Variants in STRN3 observed in about 807,000 individuals in gnomAD.
STRN3 encodes the protein striatin 3.
STRN3 carries 29 observed loss-of-function variants against 95.6 expected under a neutral mutation model. The observed-to-expected ratio is 0.30, with a 90% CI of 0.23 to 0.41. The LOEUF (loss-of-function observed/expected upper bound fraction) is 0.41, where lower values mean the gene tolerates loss of function less well. STRN3 is among the 10% of genes least tolerant of loss of function. The pLI is 1.00. For missense variants in STRN3, 890 were observed against 972.1 expected (o/e 0.92, Z 1.12); for synonymous variants, 331 against 357.6 (o/e 0.93, Z 0.84).
chr14:30,954,182 T>C (rs2139136845), intron 3 of STRN3, among the ~76,000 whole-genome samples: 1 of 152,326 alleles, frequency 6.6e-6, no homozygotes, highest in South Asian at 2.1e-4. Context: ...GCCATTTATA[T>C]ATCCTCTTCT....
chr14:30,976,223 G>C (rs1243037555), intron 1 of STRN3, among the ~76,000 whole-genome samples: 1 of 152,170 alleles, frequency 6.6e-6, no homozygotes, highest in Admixed American at 6.6e-5. Flanking sequence ...AATGGGGAGA[G>C]TTATACCATG....
chr14:30,987,400 A>T (rs1027456159), intron 1 of STRN3, among the ~76,000 whole-genome samples: 1 of 152,020 alleles, frequency 6.6e-6, no homozygotes, highest in Admixed American at 6.6e-5. Context: ...CCAGCTACTC[A>T]GGAGGCTGAG....
intron 14 of STRN3, 96 bp downstream of exon 14, chr14:30,906,781 T>C: frequency 1.6e-6 from 2 of 1,281,976 alleles, no homozygotes; most frequent in South Asian, 3.5e-5. Context: ...ATATATCTCT[T>C]TGGAACAGTA....
intron 1 of STRN3, among the ~76,000 whole-genome samples, chr14:30,967,095 C>T (rs1217256960): frequency 6.6e-6 from 1 of 151,974 alleles, no homozygotes; most frequent in African/African-American, 2.4e-5. Flanking sequence ...AGGGGTTGAG[C>T]CTTCCGCTAA....
intron 1 of STRN3, among the ~76,000 whole-genome samples, chr14:31,001,198 T>G (rs74041098): frequency 6.6e-6 from 1 of 152,184 alleles, no homozygotes; most frequent in Non-Finnish European, 1.5e-5. Context: ...AATTCATATA[T>G]TCTTAACAAC....
rs890330876 is a variant in STRN3 at position 31,015,722 on chromosome 14, G to C, written c.282+10182C>G. 1.3e-4 allele frequency among the ~76,000 whole-genome samples: 20 copies of C among 152,298 alleles called. 1 individual carries two copies. The highest frequency in any genetic ancestry group is 4.6e-4 in the African/African-American group (19 of 41,562). On this transcript the variant is annotated intron_variant, in intron 1 of 17. Coordinates refer to ENST00000357479, the MANE Select transcript of STRN3 (RefSeq NM_001083893.2). ...GCTGTATGCTCCTTTTGGCTCTGCA[G>C]ACCTTACTTATAGCCAGGCCTTGGA...
chr14:30,971,480 T>C (rs2144040), intron 1 of STRN3, among the ~76,000 whole-genome samples: 96,682 of 152,060 alleles, frequency 0.64, 31,732 homozygotes, highest in Non-Finnish European at 0.73. Context: ...GGATAAACTA[T>C]ATCTATTACA....
chr14:30,929,958 A>AAAAAAAAAC (rs1566441330), intron 7 of STRN3, among the ~76,000 whole-genome samples: 19 of 132,508 alleles, frequency 1.4e-4, no homozygotes, highest in East Asian at 7.5e-4. Context: ...GATTAGCAAA[A>AAAAAAAAAC]AAAAAAAAAA....
chr14:30,917,108 A>G (rs975994135), intron 9 of STRN3, among the ~76,000 whole-genome samples: 3 of 152,202 alleles, frequency 2.0e-5, no homozygotes, highest in Non-Finnish European at 2.9e-5. Context: ...CACTGAAAAT[A>G]AGGAGACTGT....
chr14:30,970,552 T>C (rs1424702232), intron 1 of STRN3, among the ~76,000 whole-genome samples: 1 of 152,220 alleles, frequency 6.6e-6, no homozygotes, highest in Non-Finnish European at 1.5e-5. Flanking sequence ...TTCCCTTCTT[T>C]ATGCCAGTTT....
chr14:31,026,222 G>C lies in STRN3; in HGVS notation c.-37C>G. On this transcript the variant is annotated 5_prime_UTR_variant, in exon 1 of 18. Transcript: ENST00000357479. The stretch of plus-strand genomic sequence containing the variant: ...CCCCGGCCGGGGCGCAGGGCGAGAC[G>C]CCGACAGCTGGGGGAAGGGCCGGAG... 1 of 1,381,332 alleles carries C rather than the reference G, an allele frequency of 7.2e-7. No homozygotes were observed. Among genetic ancestry groups the C allele is most frequent in the Non-Finnish European group, 9.3e-7 (1 of 1,076,480 alleles). 85.6% of individuals were successfully genotyped at this position (1,381,332 alleles called of 1,614,324 possible).
At chr14:30,956,603 AAACTTTGTTAGATCT>A (rs1403308735) in intron 1 of STRN3, among the ~76,000 whole-genome samples, 1 of 152,190 alleles carries the variant, frequency 6.6e-6, no homozygotes, top group Non-Finnish European at 1.5e-5. Flanking sequence ...TAAAATGTCC[AAACTTTGTTAGATCT>A]AACACATCCC....
chr14:30,908,396 A>C (rs757528434), intron 13 of STRN3, among the ~76,000 whole-genome samples: 34 of 152,148 alleles, frequency 2.2e-4, no homozygotes, highest in Non-Finnish European at 4.6e-4. Context: ...CAAATTTAAT[A>C]CTTTTCTTTG....
chr14:31,016,407 C>G (rs373191356), intron 1 of STRN3, among the ~76,000 whole-genome samples: 2 of 152,206 alleles, frequency 1.3e-5, no homozygotes, highest in African/African-American at 4.8e-5. Context: ...CAAGGAGAAG[C>G]CTTAAATACA....
rs1049095339 is a variant in STRN3, at chr14:30,926,038, A to G, written c.1099+3163T>C. ...GTGATCCATAAACAGAAAAAAAAAG[A>G]AAGTTTTTATTTTCTTAAACTCTAA... On this transcript the variant is annotated intron_variant, in intron 8 of 17. Coordinates refer to ENST00000357479, the MANE Select transcript of STRN3 (RefSeq NM_001083893.2). 3.3e-5 allele frequency among the ~76,000 whole-genome samples: 5 copies of G among 152,130 alleles called. 1 individual carries two copies. The highest frequency in any genetic ancestry group is 4.1e-4 in the South Asian group (2 of 4,830).
chr14:30,924,754 G>T (rs777624923), intron 8 of STRN3, among the ~76,000 whole-genome samples: 2 of 152,182 alleles, frequency 1.3e-5, no homozygotes, highest in Non-Finnish European at 2.9e-5. Flanking sequence ...CAAGGCGGGA[G>T]TGGAAAGATT....
intron 1 of STRN3, among the ~76,000 whole-genome samples, chr14:30,966,413 G>A (rs1880511141): frequency 6.6e-6 from 1 of 152,206 alleles, no homozygotes; most frequent in Non-Finnish European, 1.5e-5. Flanking sequence ...GCTCATCCAG[G>A]ATTACATTCC....
chr14:31,016,703 C>A (rs1202554680), intron 1 of STRN3, among the ~76,000 whole-genome samples: 1 of 152,256 alleles, frequency 6.6e-6, no homozygotes, highest in East Asian at 1.9e-4. Flanking sequence ...TGCCAGCACA[C>A]CTGGCTAACT....
intron 1 of STRN3, among the ~76,000 whole-genome samples, chr14:30,977,968 T>G (rs754657134): frequency 1.3e-5 from 2 of 151,920 alleles, no homozygotes; most frequent in Non-Finnish European, 2.9e-5. Flanking sequence ...TAAGGAGCAA[T>G]AAATGACGTG....
Sources: gnomAD v4.1 joint callset for allele counts (sites outside exome capture counted in the v4.1 genomes callset) on GRCh38, gnomAD v4.1.1 for gene constraint, MANE v1.5 for transcripts, NCBI Gene and HGNC (gene_info 2026-07-23, HGNC 2026-07-21) for gene names.